Variants in FAM186A observed in about 807,000 individuals in gnomAD.
The protein encoded by FAM186A is family with sequence similarity 186 member A.
A neutral mutation model predicts 216.8 loss-of-function variants in FAM186A; 163 were observed. That is an observed-to-expected ratio of 0.75 (90% CI 0.66 to 0.86). The LOEUF (loss-of-function observed/expected upper bound fraction) is 0.86. Among genes scored for constraint, FAM186A ranks in the 40% least tolerant of loss-of-function variants. The pLI is 0.00. For synonymous variants in FAM186A, 805 were observed against 1,025.3 expected (o/e 0.79, Z 4.10); for missense variants, 2,184 against 2,746.2 (o/e 0.80, Z 4.58).
chr12:50,396,416 G>A lies in FAM186A; in HGVS notation c.69C>T (p.Thr23=), dbSNP rs1412387100. The A allele has an allele frequency of 2.3e-5, 35 of 1,551,368 alleles. No individual in the cohort carries two copies. The highest frequency in any genetic ancestry group is 5.9e-5 in the Admixed American group (3 of 50,918). ...TATTTTGGGGCTCTCTTCTCATGAT[G>A]GTGGAATCCTTGATGCATTTTTCTG... is the stretch of plus-strand genomic sequence containing the variant. ...PESEKCIKDS[T]IMRREPQNIL... is the part of the protein sequence containing the mutation. Residue 23 remains threonine, a synonymous_variant, in exon 1 of 8, where the codon ACC becomes ACT. Transcript: ENST00000327337.
intron 5 of FAM186A, 28 bp downstream of exon 5, chr12:50,333,883 T>C (rs1292175003): frequency 2.1e-5 from 33 of 1,540,306 alleles, no homozygotes; most frequent in Non-Finnish European, 2.9e-5. Context: ...TACAACATGC[T>C]GGACAGAGGG....
At chr12:50,379,355 G>A (rs1943231113) in intron 1 of FAM186A, among the ~76,000 whole-genome samples, 1 of 151,432 alleles carries the variant, frequency 6.6e-6, no homozygotes, top group African/African-American at 2.4e-5. Context: ...CAGGAGAATG[G>A]CATGAACCCA....
At chr12:50,396,271 A>G (rs1177151634) in intron 1 of FAM186A, 22 bp downstream of exon 1, 3 of 1,479,808 alleles carry the variant, frequency 2.0e-6, no homozygotes. Flanking sequence ...TGCAGTCTGT[A>G]AACTTCAGAT....
chr12:50,334,971 T>TAA (rs1376710827), intron 4 of FAM186A, among the ~76,000 whole-genome samples: 1 of 152,132 alleles, frequency 6.6e-6, no homozygotes, highest in African/African-American at 2.4e-5. Flanking sequence ...TAATATATTT[T>TAA]AAAAATTATG....
intron 1 of FAM186A, among the ~76,000 whole-genome samples, chr12:50,389,338 T>C (rs1050293735): frequency 1.3e-5 from 2 of 151,942 alleles, no homozygotes; most frequent in African/African-American, 4.8e-5. Flanking sequence ...CCGTCTCTAC[T>C]AAAAATACAA....
At chr12:50,346,157 C>T (rs1015916462) in intron 4 of FAM186A, among the ~76,000 whole-genome samples, 3 of 126,826 alleles carry the variant, frequency 2.4e-5, no homozygotes, top group African/African-American at 8.9e-5. Flanking sequence ...GCGACAAAGC[C>T]AGACCCCGCC....
intron 4 of FAM186A, among the ~76,000 whole-genome samples, chr12:50,342,767 C>T (rs1281934196): frequency 8.2e-6 from 1 of 121,322 alleles, no homozygotes; most frequent in African/African-American, 2.6e-5. Context: ...GCCACCGCTC[C>T]CGACCTTTTT....
At position 50,355,479 on chromosome 12, in the gene FAM186A, C is replaced by G. The variant is rs1227207874; in HGVS notation, c.1353G>C (p.Glu451Asp). 1.7e-5 allele frequency: 26 copies of G among 1,551,284 alleles called. No homozygotes were observed. The East Asian group carries it at 6.4e-4, about 38-fold the overall frequency. The change falls in exon 4 of 8, where the codon GAG (glutamate) becomes GAC (aspartate). Residue 451 changes from glutamate (E) to aspartate (D), a missense_variant. Physicochemically the swap from Glu to Asp is conservative, Grantham distance 45. Around this residue, in one of 7 missense-constraint regions of FAM186A, gnomAD observed 1,132 missense variants for 1,263.4 expected, o/e 0.90. Coordinates refer to ENST00000327337, the MANE Select transcript of FAM186A (RefSeq NM_001145475.3). The stretch of plus-strand genomic sequence containing the variant: ...TTTTCCATGATTGATACTCATCAGT[C>G]TCATCTTCCTGATAGAAATCACCTT... ...LKKGDFYQEDETDEYQSWKRS... is the reference protein window; with the variant it reads ...LKKGDFYQEDDTDEYQSWKRS...
At chr12:50,333,113 A>T (rs1942672326) in intron 5 of FAM186A, among the ~76,000 whole-genome samples, 1 of 152,218 alleles carries the variant, frequency 6.6e-6, no homozygotes, top group Non-Finnish European at 1.5e-5. Context: ...TTAGGCTCTG[A>T]TGAGAAGCCT....
At chr12:50,338,707 T>C (rs561259072) in intron 4 of FAM186A, among the ~76,000 whole-genome samples, 125 of 152,002 alleles carry the variant, frequency 8.2e-4, no homozygotes, top group African/African-American at 3.0e-3. Context: ...GTATACTATA[T>C]AGACTTTGGA....
chr12:50,391,113 C>G lies in FAM186A; in HGVS notation c.192+5180G>C, dbSNP rs138951161. ...AAGCAATTTTCCTGCCTCAGCCTCC[C>G]GAGTAGCTGGGATTACAGATGCCTG... On this transcript the variant is annotated intron_variant, in intron 1 of 7. Coordinates refer to ENST00000327337, the MANE Select transcript of FAM186A (RefSeq NM_001145475.3). Among the ~76,000 whole-genome samples the G allele has an allele frequency of 2.6e-3, 389 of 151,902 alleles. 2 individuals are homozygous for G. The highest frequency in any genetic ancestry group is 9.1e-3 in the African/African-American group (378 of 41,432).
chr12:50,360,675 A>C (rs1353058492), intron 3 of FAM186A, 81 bp downstream of exon 3: 49 of 1,115,302 alleles, frequency 4.4e-5, no homozygotes, highest in Non-Finnish European at 5.9e-5. Context: ...ATAGAGCGAG[A>C]CTGAAAAAAA....
Position 50,354,367 on chromosome 12 carries a change from C to T in FAM186A, c.2465G>A (p.Arg822Lys), listed in dbSNP as rs1400646092. 1 of 1,551,604 alleles carries T rather than the reference C, an allele frequency of 6.4e-7. No individual in the cohort carries two copies. The highest frequency in any genetic ancestry group is 1.2e-5 in the South Asian group (1 of 84,058). Residue 822 changes from arginine (R) to lysine (K), a missense_variant, in exon 4 of 8, where the codon AGG becomes AAG. Physicochemically the swap from Arg to Lys is conservative, Grantham distance 26 (BLOSUM62 2). This residue lies in a region of FAM186A where 1,132 missense variants were observed against 1,263.4 expected (regional missense o/e 0.90). Transcript: ENST00000327337. ...QKDHKEKEKQ[R>K]QEQYLQEGQE... The stretch of plus-strand genomic sequence containing the variant: ...ACCCTCTTGCAAATATTGCTCCTGC[C>T]TTTGTTTTTCCTTCTCCTTGTGGTC...
chr12:50,354,743 G>A lies in FAM186A; in HGVS notation c.2089C>T (p.Pro697Ser), dbSNP rs777739320. The change falls in exon 4 of 8, where the codon CCG becomes TCG. Residue 697 changes from proline to serine, a missense_variant. By Grantham distance (74) the Pro-to-Ser change is moderately conservative. Around this residue, in one of 7 missense-constraint regions of FAM186A, gnomAD observed 1,132 missense variants for 1,263.4 expected, o/e 0.90. Transcript: ENST00000327337. ...IGKAFDKKTV[P>S]KEEELLKRAE... ...CTTTTTAATAACTCCTCTTCCTTCG[G>A]AACAGTCTTTTTGTCAAAAGCCTTT... 52 of 1,544,026 alleles carry A rather than the reference G, an allele frequency of 3.4e-5. No homozygotes were observed. In the African/African-American group the frequency reaches 5.7e-4, roughly 17 times the overall value.
chr12:50,368,965 T>TA (rs754206682), intron 1 of FAM186A, among the ~76,000 whole-genome samples: 1,634 of 135,162 alleles, frequency 0.012, 20 homozygotes, highest in African/African-American at 0.036. Flanking sequence ...GACAGTCTTT[T>TA]AAAAAAAAAA....
At chr12:50,379,087 CT>C (rs2136104412) in intron 1 of FAM186A, among the ~76,000 whole-genome samples, 1 of 151,506 alleles carries the variant, frequency 6.6e-6, no homozygotes, top group Admixed American at 6.6e-5. Flanking sequence ...GGCAGATCAC[CT>C]GAGTTTAGGA....
In FAM186A at chr12:50,330,655, C is replaced by G. The variant is rs1348948063; in HGVS notation, c.6952G>C (p.Gly2318Arg). The G allele has an allele frequency of 6.4e-7, 1 of 1,550,414 alleles. No homozygotes were observed. The change falls in exon 7 of 8, where the codon GGT (glycine) becomes CGT (arginine). Residue 2318 changes from glycine to arginine, a missense_variant. Around this residue, in one of 7 missense-constraint regions of FAM186A, gnomAD observed 721 missense variants for 816.4 expected, o/e 0.88. Coordinates refer to ENST00000327337, the MANE Select transcript of FAM186A (RefSeq NM_001145475.3). ...TSMHSLWAQLGGYPDIPRLLQ... is the reference protein window; with the variant it reads ...TSMHSLWAQLRGYPDIPRLLQ... ...AGCCTGGGAATATCTGGGTACCCAC[C>G]CAGCTGGGCCCAGAGTGAATGCATA...
chr12:50,331,937 A>C, intron 5 of FAM186A, 116 bp from the exon 6 acceptor site: 1 of 880,376 alleles, frequency 1.1e-6, no homozygotes, highest in Non-Finnish European at 1.7e-6. Context: ...ATGGATTTGC[A>C]AATCCTCTCC....
chr12:50,386,842 A>G (rs1458511887), intron 1 of FAM186A, among the ~76,000 whole-genome samples: 2 of 150,160 alleles, frequency 1.3e-5, no homozygotes, highest in East Asian at 3.9e-4. Flanking sequence ...GTGCCACTGC[A>G]CTCCAGCCTG....
Sources: allele counts gnomAD v4.1 joint callset (sites outside exome capture counted in the v4.1 genomes callset), GRCh38; gene constraint gnomAD v4.1.1; regional missense constraint gnomAD v4.1.1; transcripts MANE v1.5; gene names NCBI Gene and HGNC (gene_info 2026-07-23, HGNC 2026-07-21).